The following ZNF140 variants were observed in gnomAD, a reference collection of about 807,000 sequenced individuals.
The protein encoded by ZNF140 is zinc finger protein 140, also known as zinc finger protein 140 (clone pHZ-39).
Under a neutral mutation model 12.9 loss-of-function variants are expected in ZNF140, and 13 were observed. The observed-to-expected ratio is 1.01, with a 90% confidence interval of 0.66 to 1.60. The LOEUF (loss-of-function observed/expected upper bound fraction) is 1.60. Among genes scored for constraint, ZNF140 ranks in the 40% most tolerant of loss-of-function variants. The probability of loss-of-function intolerance (pLI) is 0.00; values close to 1 mark genes in which losing one functional copy is unlikely to be tolerated. For synonymous variants in ZNF140, 214 were observed against 186.7 expected (o/e 1.15, Z -1.19); for missense variants, 531 against 548.8 (o/e 0.97, Z 0.32).
At chr12:133,091,089 A>G (rs755081548) in intron 4 of ZNF140, among the ~76,000 whole-genome samples, 4 of 146,134 alleles carry the variant, frequency 2.7e-5, no homozygotes, top group Non-Finnish European at 4.6e-5. Context: ...TCTTTTACTC[A>G]TCCATCTCAG....
chr12:133,106,694 AAAAAGAAGTATAAT>A lies in ZNF140; in HGVS notation c.*44_*57del. The A allele has an allele frequency of 6.8e-7, 1 of 1,474,470 alleles. No homozygotes were observed. Among genetic ancestry groups the A allele is most frequent in the East Asian group, 2.3e-5 (1 of 44,126 alleles). 91.3% of individuals were successfully genotyped at this position (1,474,470 alleles called of 1,614,324 possible). On this transcript the variant is annotated 3_prime_UTR_variant, in exon 5 of 5. Coordinates refer to ENST00000355557, the MANE Select transcript of ZNF140 (RefSeq NM_003440.4). ...AAACTATGAATGTATGGAATTTTTTAAAAAGAAGTATAATGCCTTACTTCAGAGAACTCTTGGAA... is the reference window on the plus strand; with the variant it reads ...AAACTATGAATGTATGGAATTTTTTAGCCTTACTTCAGAGAACTCTTGGAA...
intron 4 of ZNF140, among the ~76,000 whole-genome samples, chr12:133,096,272 A>G (rs1437055326): frequency 1.3e-5 from 2 of 152,092 alleles, no homozygotes; most frequent in South Asian, 2.1e-4. Context: ...CGTCCTGCAC[A>G]GCCCTAGATC....
At chr12:133,101,403 A>G (rs1036960826) in intron 4 of ZNF140, among the ~76,000 whole-genome samples, 29 of 152,104 alleles carry the variant, frequency 1.9e-4, no homozygotes, top group Non-Finnish European at 4.0e-4. Flanking sequence ...TGAGATATCT[A>G]CACAGAATAC....
rs766439185 is a variant in ZNF140 at position 133,081,138 on chromosome 12, G to C, written c.-49+66G>C. On this transcript the variant is annotated intron_variant, in intron 1 of 4. Transcript: ENST00000355557. ...AAGCCGGCGCCAGTGGTCCAAGCGCGATCTCTCAGGGCGCCCTGCTCTCTA... is the reference window on the plus strand; with the variant it reads ...AAGCCGGCGCCAGTGGTCCAAGCGCCATCTCTCAGGGCGCCCTGCTCTCTA... 2,515 of 301,826 alleles carry C rather than the reference G, an allele frequency of 8.3e-3. 36 individuals are homozygous for C. Among genetic ancestry groups the C allele is most frequent in the Non-Finnish European group, 7.3e-3 (1,100 of 150,454 alleles). 18.7% of individuals were successfully genotyped at this position (301,826 alleles called of 1,614,324 possible).
At chr12:133,099,521 A>AT (rs1338944384) in intron 4 of ZNF140, among the ~76,000 whole-genome samples, 4 of 152,128 alleles carry the variant, frequency 2.6e-5, no homozygotes, top group African/African-American at 9.7e-5. Context: ...TGTGAGGTTA[A>AT]TTAAGAATAA....
intron 3 of ZNF140, 84 bp from the exon 4 acceptor site, chr12:133,083,382 A>T: frequency 6.6e-7 from 1 of 1,524,742 alleles, no homozygotes; most frequent in Non-Finnish European, 8.8e-7. Flanking sequence ...TAGACATTTT[A>T]AAAACTTACA....
At chr12:133,099,886 C>T (rs1955272633) in intron 4 of ZNF140, among the ~76,000 whole-genome samples, 1 of 151,566 alleles carries the variant, frequency 6.6e-6, no homozygotes, top group African/African-American at 2.4e-5. Context: ...ATTTCTCCTT[C>T]ACTTTTGAAG....
intron 4 of ZNF140, among the ~76,000 whole-genome samples, chr12:133,102,087 A>G (rs937289463): frequency 2.3e-4 from 35 of 152,154 alleles, no homozygotes; most frequent in African/African-American, 7.7e-4. Context: ...GCATTTTGTA[A>G]TCTTAAAATC....
chr12:133,095,962 G>A (rs1468602306), intron 4 of ZNF140, among the ~76,000 whole-genome samples: 1 of 147,292 alleles, frequency 6.8e-6, no homozygotes, highest in Non-Finnish European at 1.5e-5. Context: ...CAGTTCCCAG[G>A]GGCAGGCAGG....
chr12:133,087,130 C>T (rs1306435843), intron 4 of ZNF140, among the ~76,000 whole-genome samples: 9 of 115,762 alleles, frequency 7.8e-5, no homozygotes, highest in African/African-American at 2.6e-4. Context: ...TAGATCTAAT[C>T]ATTACCTGAA....
intron 4 of ZNF140, among the ~76,000 whole-genome samples, chr12:133,089,825 C>T (rs373427840): frequency 2.6e-4 from 39 of 149,782 alleles, no homozygotes; most frequent in African/African-American, 9.3e-4. Context: ...CTATTAATAG[C>T]CTATTGTAAA....
At chr12:133,104,499 A>AAG (rs1955498672) in intron 4 of ZNF140, among the ~76,000 whole-genome samples, 6 of 151,646 alleles carry the variant, frequency 4.0e-5, no homozygotes, top group Non-Finnish European at 8.8e-5. Flanking sequence ...CTACAGGTGC[A>AAG]TGCCATCACG....
intron 4 of ZNF140, among the ~76,000 whole-genome samples, chr12:133,098,817 A>G (rs1440973492): frequency 6.8e-6 from 1 of 146,944 alleles, no homozygotes; most frequent in Non-Finnish European, 1.5e-5. Context: ...CGATTCTCCT[A>G]TCAGCCTCCT....
chr12:133,090,639 C>T (rs979705916), intron 4 of ZNF140, among the ~76,000 whole-genome samples: 3 of 123,974 alleles, frequency 2.4e-5, no homozygotes, highest in East Asian at 3.6e-4. Context: ...AGAGAAACAA[C>T]AGTGGGCCCA....
chr12:133,082,976 C>G, intron 2 of ZNF140, 127 bp from the exon 3 acceptor site: 1 of 1,405,616 alleles, frequency 7.1e-7, no homozygotes, highest in Non-Finnish European at 9.7e-7. Context: ...ACTCAGAATT[C>G]TGAAAACTCT....
intron 4 of ZNF140, among the ~76,000 whole-genome samples, chr12:133,095,999 T>A (rs961270082): frequency 7.3e-5 from 11 of 151,106 alleles, no homozygotes; most frequent in Non-Finnish European, 1.5e-4. Flanking sequence ...CTATCTCAAC[T>A]GCAAGAGGCT....
rs2137469003 is a variant in ZNF140, at chr12:133,081,020, G to C, written c.-101G>C. 5.2e-6 allele frequency: 1 copy of C among 192,026 alleles called. No individual in the cohort carries two copies. The highest frequency in any genetic ancestry group is 7.8e-5 in the South Asian group (1 of 12,882). The allele number at this position is 192,026 out of a possible 1,614,324, so 11.9% of individuals were successfully genotyped here. A position where few individuals can be genotyped will look rare whatever the true frequency, so the allele number is the denominator to read the frequency against. ...TCGGTCCGGAGCCCTGGAACGCTAC[G>C]CCCACCTGGCGGAAAGCACCACGGA... is the stretch of plus-strand genomic sequence containing the variant. On this transcript the variant is annotated 5_prime_UTR_variant, in exon 1 of 5. Coordinates refer to ENST00000355557, the MANE Select transcript of ZNF140 (RefSeq NM_003440.4).
At chr12:133,100,195 TCTTA>T (rs1478743490) in intron 4 of ZNF140, among the ~76,000 whole-genome samples, 8 of 101,278 alleles carry the variant, frequency 7.9e-5, no homozygotes, top group African/African-American at 1.2e-4. Context: ...TTTGGCAGGG[TCTTA>T]CTTTGTCACC....
chr12:133,083,390 A>G (rs1954567562), intron 3 of ZNF140, 76 bp from the exon 4 acceptor site: 4 of 1,538,432 alleles, frequency 2.6e-6, no homozygotes, highest in Non-Finnish European at 3.5e-6. Context: ...TTAAAAACTT[A>G]CATCTGACAT....
Sources: gnomAD v4.1 joint callset for allele counts (sites outside exome capture counted in the v4.1 genomes callset) on GRCh38, gnomAD v4.1.1 for gene constraint, MANE v1.5 for transcripts, NCBI Gene and HGNC (gene_info 2026-07-23, HGNC 2026-07-21) for gene names.